CLOCK: variants seen among roughly 807,000 people sequenced by gnomAD.
The protein encoded by CLOCK is clock circadian regulator.
A neutral mutation model predicts 118.4 loss-of-function variants in CLOCK; 43 were observed. That is an observed-to-expected ratio of 0.36 (90% CI 0.28 to 0.47). CLOCK has a LOEUF of 0.47. Ranked by LOEUF, CLOCK falls within the 20% of genes least tolerant of loss-of-function variation. The pLI, the probability that CLOCK is intolerant of heterozygous loss-of-function variation, is 1.00. For synonymous variants in CLOCK, 326 were observed against 339.2 expected (o/e 0.96, Z 0.43); for missense variants, 846 against 999.9 (o/e 0.85, Z 2.08).
At chr4:55,513,749 C>T (rs1729309661) in intron 1 of CLOCK, among the ~76,000 whole-genome samples, 1 of 151,934 alleles carries the variant, frequency 6.6e-6, no homozygotes, top group Non-Finnish European at 1.5e-5. Context: ...GAACTGACAC[C>T]TTGTTAATAT....
chr4:55,527,545 G>C (rs1018416773), intron 1 of CLOCK, among the ~76,000 whole-genome samples: 33 of 151,730 alleles, frequency 2.2e-4, no homozygotes, highest in African/African-American at 7.3e-4. Context: ...TCATTATATA[G>C]GCATGACTGA....
intron 2 of CLOCK, among the ~76,000 whole-genome samples, chr4:55,504,283 CAAAAAAAAAA>C (rs35414558): frequency 1.5e-4 from 8 of 51,950 alleles, no homozygotes; most frequent in Admixed American, 9.3e-4. Context: ...GAGACTCCAT[CAAAAAAAAAA>C]AAAAAAAAAA....
intron 3 of CLOCK, among the ~76,000 whole-genome samples, chr4:55,485,906 A>T (rs1375413568): frequency 6.6e-6 from 1 of 152,158 alleles, no homozygotes; most frequent in Non-Finnish European, 1.5e-5. Context: ...AATTAAAATT[A>T]AAAATTCCAA....
At chr4:55,463,237 T>C (rs1334726353) in intron 9 of CLOCK, among the ~76,000 whole-genome samples, 1 of 139,528 alleles carries the variant, frequency 7.2e-6, no homozygotes, top group African/African-American at 2.5e-5. Flanking sequence ...TGTTTAATTG[T>C]TTAATAAAGT....
chr4:55,494,179 GAATGAATTTCA>G (rs1216526614), intron 2 of CLOCK, among the ~76,000 whole-genome samples: 2 of 152,070 alleles, frequency 1.3e-5, no homozygotes, highest in Admixed American at 6.6e-5. Flanking sequence ...ACAAGCCTCA[GAATGAATTTCA>G]CATGTAATCA....
intron 11 of CLOCK, among the ~76,000 whole-genome samples, chr4:55,457,303 AC>A (rs1406754348): frequency 7.9e-5 from 12 of 152,222 alleles, no homozygotes; most frequent in African/African-American, 2.9e-4. Flanking sequence ...AGTTAAAAAA[AC>A]ATACTCTTTC....
chr4:55,529,344 G>A (rs1192954053), intron 1 of CLOCK, among the ~76,000 whole-genome samples: 1 of 151,988 alleles, frequency 6.6e-6, no homozygotes, highest in African/African-American at 2.4e-5. Context: ...TTTTCTTGTA[G>A]AGATGGGGTC....
intron 7 of CLOCK, among the ~76,000 whole-genome samples, chr4:55,474,060 C>T (rs562577998): frequency 2.0e-5 from 3 of 152,290 alleles, no homozygotes; most frequent in Admixed American, 6.5e-5. Flanking sequence ...TGTGATTAAG[C>T]TTAGTGAGGA....
chr4:55,537,577 CCACTG>C (rs1402335563), intron 1 of CLOCK, among the ~76,000 whole-genome samples: 1 of 151,876 alleles, frequency 6.6e-6, no homozygotes, highest in African/African-American at 2.4e-5. Context: ...CGTGATTGGG[CCACTG>C]CACTAAAGCC....
intron 8 of CLOCK, among the ~76,000 whole-genome samples, chr4:55,470,108 TGTTTATA>T (rs1726026880): frequency 6.6e-6 from 1 of 152,176 alleles, no homozygotes; most frequent in Admixed American, 6.5e-5. Context: ...AAGTGTACAG[TGTTTATA>T]AAGTCTATAA....
chr4:55,521,487 G>T (rs114209135), intron 1 of CLOCK, among the ~76,000 whole-genome samples: 3,162 of 152,276 alleles, frequency 0.021, 102 homozygotes, highest in African/African-American at 0.071. Context: ...CAAAGTGCTG[G>T]GACTGCAGGC....
chr4:55,537,620 AAAAAAT>A (rs1448027221), intron 1 of CLOCK, among the ~76,000 whole-genome samples: 1 of 151,886 alleles, frequency 6.6e-6, no homozygotes, highest in African/African-American at 2.4e-5. Context: ...CCCAGTCTCA[AAAAAAT>A]AAAAATAAAA....
chr4:55,512,037 T>G (rs916144463), intron 1 of CLOCK, among the ~76,000 whole-genome samples: 1 of 152,022 alleles, frequency 6.6e-6, no homozygotes, highest in African/African-American at 2.4e-5. Flanking sequence ...TTCCAAGTTT[T>G]GGCAATTATT....
chr4:55,476,204 T>G, intron 6 of CLOCK, 150 bp from the exon 7 acceptor site: 1 of 642,514 alleles, frequency 1.6e-6, no homozygotes, highest in Non-Finnish European at 2.8e-6. Flanking sequence ...GTCCAGGTTT[T>G]GGTATGATGA....
intron 2 of CLOCK, among the ~76,000 whole-genome samples, chr4:55,508,841 C>T (rs1728972131): frequency 6.6e-6 from 1 of 152,118 alleles, no homozygotes. Context: ...ATCTGCCTGC[C>T]TCGGCCTCCC....
rs1386469152 is a variant in CLOCK, at chr4:55,513,825, CATATTTTATAT to C, written c.-289-3771_-289-3761del. ...TCAGAGTTTTGAAGTTTTCTTTGTA[CATATTTTATAT>C]ATATTTTATTAGATTTATACCTAAG... is the stretch of plus-strand genomic sequence containing the variant. On this transcript the variant is annotated intron_variant, in intron 1 of 22. Transcript: ENST00000513440. 1.6e-4 allele frequency among the ~76,000 whole-genome samples: 24 copies of C among 152,008 alleles called. No homozygotes were observed. In the South Asian group the frequency reaches 1.9e-3, roughly 12 times the overall value.
intron 20 of CLOCK, 58 bp downstream of exon 20, chr4:55,443,629 A>C: frequency 7.7e-7 from 1 of 1,291,980 alleles, no homozygotes; most frequent in Non-Finnish European, 1.1e-6. Context: ...CTGCTTCAGC[A>C]ATAGTGTGCC....
rs1577656902 is a variant in CLOCK at position 55,432,845 on chromosome 4, T to TC, written c.*2569dup. The stretch of plus-strand genomic sequence containing the variant: ...ATCATAAAGGAAAATTTTAATTTTT[T>TC]CCCCCGACTATTTGTGGAGATGGGA... On this transcript the variant is annotated 3_prime_UTR_variant, in exon 23 of 23. Coordinates refer to ENST00000513440, the MANE Select transcript of CLOCK (RefSeq NM_004898.4). 6.6e-6 allele frequency: 1 copy of TC among 152,426 alleles called. No individual in the cohort carries two copies. The highest frequency in any genetic ancestry group is 1.5e-5 in the Non-Finnish European group (1 of 68,030). The allele number at this position is 152,426 out of a possible 1,614,324, so 9.4% of individuals were successfully genotyped here. A position where few individuals can be genotyped will look rare whatever the true frequency, so the allele number is the denominator to read the frequency against.
chr4:55,524,883 A>G (rs1473199760), intron 1 of CLOCK, among the ~76,000 whole-genome samples: 1 of 152,114 alleles, frequency 6.6e-6, no homozygotes, highest in African/African-American at 2.4e-5. Context: ...ATATCTCCAG[A>G]CTTATAACTT....
Sources: allele counts gnomAD v4.1 joint callset (sites outside exome capture counted in the v4.1 genomes callset), GRCh38; gene constraint gnomAD v4.1.1; transcripts MANE v1.5; gene names NCBI Gene and HGNC (gene_info 2026-07-23, HGNC 2026-07-21).